The following UBE2V1 variants were observed in gnomAD, a reference collection of about 807,000 sequenced individuals.
UBE2V1 encodes the protein ubiquitin conjugating enzyme E2 V1, also known as ubiquitin-conjugating enzyme E2 variant 1.
In UBE2V1, 15 loss-of-function variants were observed where a neutral mutation model predicts 19.6. The ratio of observed to expected loss-of-function variants is 0.77; its 90% CI spans 0.51 to 1.18. The LOEUF (loss-of-function observed/expected upper bound fraction) is 1.18, where lower values mean the gene tolerates loss of function less well. UBE2V1 is among the 50% of genes most tolerant of loss of function. UBE2V1 has a pLI of 0.00. For synonymous variants in UBE2V1, 60 were observed against 60.7 expected (o/e 0.99, Z 0.05); for missense variants, 125 against 184.8 (o/e 0.68, Z 1.88).
At chr20:50,086,144 G>C (rs1256649104) in intron 2 of UBE2V1, among the ~76,000 whole-genome samples, 2 of 152,100 alleles carry the variant, frequency 1.3e-5, no homozygotes, top group African/African-American at 4.8e-5. Context: ...GACTGACCCG[G>C]GCAGCCCTAA....
intron 2 of UBE2V1, among the ~76,000 whole-genome samples, chr20:50,094,133 A>ATTATATATC (rs2079444098): frequency 7.4e-6 from 1 of 135,444 alleles, no homozygotes; most frequent in Non-Finnish European, 1.6e-5. Flanking sequence ...ATATATTATA[A>ATTATATATC]TTATATATCT....
intron 2 of UBE2V1, among the ~76,000 whole-genome samples, chr20:50,092,074 C>G (rs76949472): frequency 0.011 from 1,643 of 151,848 alleles, 29 homozygotes; most frequent in African/African-American, 0.038. Flanking sequence ...GTAATCCCAG[C>G]ACTTTGAGAG....
chr20:50,100,429 T>C (rs2079914794), intron 1 of UBE2V1, among the ~76,000 whole-genome samples: 1 of 148,370 alleles, frequency 6.7e-6, no homozygotes, highest in African/African-American at 2.5e-5. Flanking sequence ...CTACTAAAAA[T>C]ACAAAATTAG....
intron 1 of UBE2V1, among the ~76,000 whole-genome samples, chr20:50,104,598 C>CA (rs2080233861): frequency 1.6e-5 from 2 of 125,352 alleles, no homozygotes; most frequent in South Asian, 5.0e-4. Context: ...GCGGAGCCTG[C>CA]AGTGAGCCGA....
intron 1 of UBE2V1, among the ~76,000 whole-genome samples, chr20:50,106,878 A>ACAACAAC (rs1569017192): frequency 2.9e-5 from 4 of 139,710 alleles, no homozygotes; most frequent in East Asian, 3.9e-4. Context: ...CAACAACAAA[A>ACAACAAC]AAAAAAAAAC....
intron 2 of UBE2V1, among the ~76,000 whole-genome samples, chr20:50,093,987 C>CAAAAAAAAAAAAAAAAAAAAAAA (rs60174191): frequency 1.1e-4 from 6 of 56,308 alleles, no homozygotes; most frequent in Admixed American, 2.9e-4. Context: ...GACTCCAACT[C>CAAAAAAAAAAAAAAAAAAAAAAA]AAAAAAAAAA....
intron 2 of UBE2V1, chr20:50,095,290 T>C (rs1283093854): frequency 1.3e-5 from 2 of 152,204 alleles, no homozygotes; most frequent in African/African-American, 4.8e-5. Flanking sequence ...CAGCATATGA[T>C]GGACCTTCAG....
intron 1 of UBE2V1, among the ~76,000 whole-genome samples, chr20:50,102,851 C>G (rs1193384213): frequency 6.6e-6 from 1 of 152,204 alleles, no homozygotes; most frequent in African/African-American, 2.4e-5. Flanking sequence ...CTTGCTCCCC[C>G]ATCCTCCTCC....
intron 1 of UBE2V1, among the ~76,000 whole-genome samples, chr20:50,110,742 A>T (rs189749725): frequency 6.6e-6 from 1 of 152,258 alleles, no homozygotes; most frequent in East Asian, 1.9e-4. Context: ...CCCTCATACC[A>T]TCTCAAATCC....
intron 2 of UBE2V1, among the ~76,000 whole-genome samples, chr20:50,095,606 G>A (rs987975180): frequency 3.3e-5 from 5 of 152,196 alleles, no homozygotes; most frequent in African/African-American, 9.7e-5. Context: ...CCCGGGCCAC[G>A]CCCTACATGT....
intron 1 of UBE2V1, among the ~76,000 whole-genome samples, chr20:50,102,724 C>T (rs760376369): frequency 2.0e-5 from 3 of 152,286 alleles, no homozygotes; most frequent in South Asian, 2.1e-4. Flanking sequence ...TAGGTGCCCT[C>T]GCTCTCCTAC....
chr20:50,102,611 C>T (rs2080076301), intron 1 of UBE2V1, among the ~76,000 whole-genome samples: 1 of 152,146 alleles, frequency 6.6e-6, no homozygotes, highest in Non-Finnish European at 1.5e-5. Flanking sequence ...AGGCTGGTCT[C>T]GAACTCCCGA....
chr20:50,096,726 A>G lies in UBE2V1; in HGVS notation c.117T>C (p.Asp39=). ...GDGTVSWGLE[D]DEDMTLTRWT... ...ATCTTGTAAGTGTCATGTCTTCGTC[A>G]TCTTCTAGACCCCAGCTAACTGTGC... Residue 39 remains aspartate (D), a synonymous_variant, in exon 2 of 4, where the codon GAT becomes GAC. Transcript: ENST00000371674. 2 of 1,614,198 alleles carry G rather than the reference A, an allele frequency of 1.2e-6. No homozygotes were observed. The highest frequency in any genetic ancestry group is 1.7e-6 in the Non-Finnish European group (2 of 1,180,030).
At chr20:50,096,843 C>G (rs778220404) in intron 1 of UBE2V1, 23 bp from the exon 2 acceptor site, 4 of 1,613,344 alleles carry the variant, frequency 2.5e-6, no homozygotes, top group Non-Finnish European at 3.4e-6. Context: ...GAAAGAAATT[C>G]AAGATACCAG....
At chr20:50,099,497 CCTA>C (rs1205852694) in intron 1 of UBE2V1, among the ~76,000 whole-genome samples, 2 of 152,114 alleles carry the variant, frequency 1.3e-5, no homozygotes, top group African/African-American at 2.4e-5. Flanking sequence ...GATGATTCCC[CCTA>C]CTTTCTCTAT....
intron 1 of UBE2V1, among the ~76,000 whole-genome samples, chr20:50,099,652 A>G (rs1391227871): frequency 1.3e-5 from 2 of 152,122 alleles, no homozygotes; most frequent in Non-Finnish European, 2.9e-5. Context: ...TCCTTCCCCT[A>G]GGAATCCATA....
chr20:50,091,582 C>T (rs538981448), intron 2 of UBE2V1, among the ~76,000 whole-genome samples: 6 of 150,396 alleles, frequency 4.0e-5, no homozygotes, highest in Non-Finnish European at 8.9e-5. Flanking sequence ...TAGTAGCGAC[C>T]GGGTTTCGCC....
chr20:50,113,152 C>CCGGCCCCTTCTT, upstream of UBE2V1: 1 of 1,329,516 alleles, frequency 7.5e-7, no homozygotes, highest in Non-Finnish European at 9.7e-7. Context: ...TGCTTGAAGG[C>CCGGCCCCTTCTT]CGGCCCCTTC....
At chr20:50,083,517 A>C (rs2078736423) in intron 3 of UBE2V1, among the ~76,000 whole-genome samples, 1 of 152,200 alleles carries the variant, frequency 6.6e-6, no homozygotes, top group African/African-American at 2.4e-5. Flanking sequence ...GAGTATCTCA[A>C]AGACGAAGGC....
Sources: gnomAD v4.1 joint callset for allele counts (sites outside exome capture counted in the v4.1 genomes callset) on GRCh38, gnomAD v4.1.1 for gene constraint, MANE v1.5 for transcripts, NCBI Gene and HGNC (gene_info 2026-07-23, HGNC 2026-07-21) for gene names.